LMBR1: variants seen among roughly 807,000 people sequenced by gnomAD.
The protein encoded by LMBR1 is limb region 1 protein homolog.
A neutral mutation model predicts 73.9 loss-of-function variants in LMBR1; 52 were observed. That is an observed-to-expected ratio of 0.70 (90% CI 0.56 to 0.89). The LOEUF (loss-of-function observed/expected upper bound fraction) is 0.89, where lower values mean the gene tolerates loss of function less well. LMBR1 is among the 40% of genes least tolerant of loss of function. The probability of loss-of-function intolerance (pLI) is 0.00; values close to 1 mark genes in which losing one functional copy is unlikely to be tolerated. For synonymous variants in LMBR1, 215 were observed against 209.4 expected, an observed-to-expected ratio of 1.03 and a Z score of -0.23; for missense variants, 539 against 579.8, an observed-to-expected ratio of 0.93 and a Z score of 0.72.
intron 4 of LMBR1, among the ~76,000 whole-genome samples, chr7:156,799,339 T>C (rs1262093077): frequency 6.6e-6 from 1 of 152,190 alleles, no homozygotes; most frequent in African/African-American, 2.4e-5. Context: ...ATTTTCCCAA[T>C]ACCACGTGCT....
At chr7:156,716,698 C>T (rs538063384) in intron 15 of LMBR1, among the ~76,000 whole-genome samples, 7 of 152,188 alleles carry the variant, frequency 4.6e-5, no homozygotes, top group South Asian at 2.1e-4. Context: ...AAAGGACATC[C>T]GCTTAGAATC....
At chr7:156,792,611 A>G (rs1182742450) in intron 5 of LMBR1, among the ~76,000 whole-genome samples, 1 of 152,264 alleles carries the variant, frequency 6.6e-6, no homozygotes, top group Non-Finnish European at 1.5e-5. Context: ...AGAAGAGAGA[A>G]GCAAAGCTAT....
chr7:156,818,172 T>C (rs915585469), intron 4 of LMBR1, among the ~76,000 whole-genome samples: 37 of 152,230 alleles, frequency 2.4e-4, no homozygotes, highest in East Asian at 1.2e-3. Context: ...GTTTGACTGC[T>C]TATACTCTAA....
chr7:156,778,131 A>C (rs1826484850), intron 5 of LMBR1, among the ~76,000 whole-genome samples: 1 of 152,210 alleles, frequency 6.6e-6, no homozygotes, highest in Non-Finnish European at 1.5e-5. Context: ...TAGCCAAAAG[A>C]ACTCTCTGTA....
chr7:156,695,654 C>T (rs1808126683), intron 15 of LMBR1, among the ~76,000 whole-genome samples: 1 of 152,126 alleles, frequency 6.6e-6, no homozygotes, highest in African/African-American at 2.4e-5. Flanking sequence ...CCCCAAAATC[C>T]AGTCACCTCC....
intron 1 of LMBR1, among the ~76,000 whole-genome samples, chr7:156,873,259 G>C (rs1799604082): frequency 6.6e-6 from 1 of 152,078 alleles, no homozygotes; most frequent in Admixed American, 6.6e-5. Context: ...CCTTCGCGGT[G>C]AGTGTTACAG....
intron 9 of LMBR1, among the ~76,000 whole-genome samples, chr7:156,749,342 T>C (rs147269656): frequency 2.0e-4 from 30 of 152,272 alleles, no homozygotes; most frequent in Middle Eastern, 6.8e-3. Flanking sequence ...CAATGATAAC[T>C]GAAAATGTCT....
intron 1 of LMBR1, among the ~76,000 whole-genome samples, chr7:156,841,071 C>A (rs532062565): frequency 6.6e-6 from 1 of 151,638 alleles, no homozygotes; most frequent in East Asian, 1.9e-4. Context: ...AGCAGCCACT[C>A]GGACCTGTGC....
At chr7:156,686,488 A>G (rs1232637369) in intron 16 of LMBR1, among the ~76,000 whole-genome samples, 1 of 152,200 alleles carries the variant, frequency 6.6e-6, no homozygotes, top group Non-Finnish European at 1.5e-5. Flanking sequence ...TATACTTAAT[A>G]AGACTCTTTT....
intron 5 of LMBR1, among the ~76,000 whole-genome samples, chr7:156,777,532 G>A (rs1279753918): frequency 6.6e-6 from 1 of 152,112 alleles, no homozygotes; most frequent in African/African-American, 2.4e-5. Context: ...ATTACCAAGG[G>A]GCCTGCCAGT....
chr7:156,786,476 T>C (rs1165618626), intron 5 of LMBR1, among the ~76,000 whole-genome samples: 2 of 152,152 alleles, frequency 1.3e-5, no homozygotes, highest in East Asian at 3.8e-4. Context: ...ACTTAGATTT[T>C]CTCTTTTTAA....
chr7:156,700,967 C>A (rs1386601286), intron 15 of LMBR1, among the ~76,000 whole-genome samples: 1 of 152,162 alleles, frequency 6.6e-6, no homozygotes, highest in Non-Finnish European at 1.5e-5. Context: ...TCTTACATGG[C>A]AGCAGCAAGA....
At chr7:156,701,285 G>T (rs1228432561) in intron 15 of LMBR1, among the ~76,000 whole-genome samples, 1 of 152,186 alleles carries the variant, frequency 6.6e-6, no homozygotes, top group Admixed American at 6.5e-5. Context: ...CCCAAAAGTT[G>T]TAAACAACTC....
In LMBR1 at chr7:156,860,427, C is replaced by T. The variant is rs184781319; in HGVS notation, c.67-23542G>A. On this transcript the variant is annotated intron_variant, in intron 1 of 16. Coordinates refer to ENST00000353442, the MANE Select transcript of LMBR1 (RefSeq NM_022458.4). Reference sequence around the variant, plus strand: ...TTCAATTACCTCCCACTGGGTCCCTCCCATGACGTGAGAATTGTGGGAGCT... The same window carrying T: ...TTCAATTACCTCCCACTGGGTCCCTTCCATGACGTGAGAATTGTGGGAGCT... Among the ~76,000 whole-genome samples, 24 of 152,310 alleles carry T rather than the reference C, an allele frequency of 1.6e-4. No individual in the cohort carries two copies. The East Asian group carries it at 3.7e-3, about 23-fold the overall frequency.
downstream of LMBR1, chr7:156,676,218 C>T (rs2131775474): frequency 6.7e-7 from 1 of 1,495,920 alleles, no homozygotes; most frequent in East Asian, 2.5e-5. Flanking sequence ...TTCCACAGTT[C>T]CCAGGAGTAA....
Position 156,756,434 on chromosome 7 carries a change from A to T in LMBR1, c.716T>A (p.Ile239Asn). The change falls in exon 9 of 17, where the codon ATC becomes AAC. Residue 239 changes from isoleucine to asparagine, a missense_variant. Transcript: ENST00000353442. ...GAGTGCTTCTTCCTCTAAGGTAATGATATAAATTTGTTCATCCAGGTCTTC... is the reference window on the plus strand; with the variant it reads ...GAGTGCTTCTTCCTCTAAGGTAATGTTATAAATTTGTTCATCCAGGTCTTC... ...ILEDLDEQIY[I>N]ITLEEEALQR... The T allele has an allele frequency of 6.7e-7, 1 of 1,503,656 alleles. No individual in the cohort carries two copies. Among genetic ancestry groups the T allele is most frequent in the South Asian group, 1.2e-5 (1 of 85,066 alleles). 93.1% of individuals were successfully genotyped at this position (1,503,656 alleles called of 1,614,324 possible).
At chr7:156,809,374 T>TA (rs1348496850) in intron 4 of LMBR1, among the ~76,000 whole-genome samples, 11 of 152,324 alleles carry the variant, frequency 7.2e-5, no homozygotes, top group Admixed American at 6.5e-4. Context: ...TCAGTGTCTG[T>TA]AGGGGATTGG....
At chr7:156,710,214 GATT>G (rs1811800724) in intron 15 of LMBR1, among the ~76,000 whole-genome samples, 1 of 151,890 alleles carries the variant, frequency 6.6e-6, no homozygotes, top group East Asian at 1.9e-4. Context: ...CCAGAAGGTT[GATT>G]ATTAAGCTAC....
At chr7:156,796,179 A>T (rs1830032060) in intron 5 of LMBR1, among the ~76,000 whole-genome samples, 1 of 152,248 alleles carries the variant, frequency 6.6e-6, no homozygotes, top group African/African-American at 2.4e-5. Flanking sequence ...AAAAGTACTC[A>T]CAGGTCTAAA....
Sources: gnomAD v4.1 joint callset for allele counts (sites outside exome capture counted in the v4.1 genomes callset) on GRCh38, gnomAD v4.1.1 for gene constraint, MANE v1.5 for transcripts, NCBI Gene and HGNC (gene_info 2026-07-23, HGNC 2026-07-21) for gene names.